The following ZNF730 variants were observed in gnomAD, a reference collection of about 807,000 sequenced individuals.
ZNF730 encodes zinc finger protein 730, also known as putative zinc finger protein 730.
ZNF730 carries 12 observed loss-of-function variants against 12.6 expected under a neutral mutation model. The ratio of observed to expected loss-of-function variants is 0.95; its 90% CI spans 0.61 to 1.54. ZNF730 has a LOEUF of 1.54. Ranked by LOEUF, ZNF730 falls within the 40% of genes most tolerant of loss-of-function variation. The pLI, the probability that ZNF730 is intolerant of heterozygous loss-of-function variation, is 0.00. For missense variants in ZNF730, 643 were observed against 583.5 expected, an observed-to-expected ratio of 1.10 and a Z score of -1.05; for synonymous variants, 194 against 195.8, an observed-to-expected ratio of 0.99 and a Z score of 0.08.
Position 23,145,296 on chromosome 19 carries a change from C to G in ZNF730, c.252C>G (p.Asp84Glu). The change falls in exon 4 of 4, where the codon GAC (aspartate) becomes GAG (glutamate). Residue 84 changes from aspartate (D) to glutamate (E), a missense_variant. Physicochemically the swap from Asp to Glu is conservative, Grantham distance 45. Transcript: ENST00000597761. Reference sequence around the variant, plus strand: ...TTATATGTTCTCATATTGCCCAAGACCTTTGGCCAGAGCAAGGCATAAAAG... The same window carrying G: ...TTATATGTTCTCATATTGCCCAAGAGCTTTGGCCAGAGCAAGGCATAAAAG... Reference protein sequence around the residue: ...PPVICSHIAQDLWPEQGIKDY... With the variant: ...PPVICSHIAQELWPEQGIKDY... 1 of 1,562,408 alleles carries G rather than the reference C, an allele frequency of 6.4e-7. No homozygotes were observed. Among genetic ancestry groups the G allele is most frequent in the South Asian group, 1.2e-5 (1 of 82,362 alleles).
chr19:23,103,106 TTG>T lies in ZNF730; in HGVS notation c.-94+27722_-94+27723del, dbSNP rs988958529. ...ACATGGAAAAAATCCACAGTTGAAATTGTGACTGTCATATATGAACATCCGGC... is the reference window on the plus strand; with the variant it reads ...ACATGGAAAAAATCCACAGTTGAAATTGACTGTCATATATGAACATCCGGC... On this transcript the variant is annotated intron_variant, in intron 1 of 2. Coordinates refer to the ZNF730 transcript ENST00000593635. 6.4e-4 allele frequency among the ~76,000 whole-genome samples: 97 copies of T among 152,302 alleles called. 1 individual carries two copies. Among genetic ancestry groups the T allele is most frequent in the African/African-American group, 2.3e-3 (96 of 41,566 alleles).
intron 1 of ZNF730, among the ~76,000 whole-genome samples, chr19:23,095,984 G>A (rs747866065): frequency 2.0e-5 from 3 of 152,056 alleles, no homozygotes; most frequent in Non-Finnish European, 4.4e-5. Context: ...GTCCACAGTG[G>A]AGAGTATGAC....
chr19:23,144,071 G>A (rs1440936829), intron 3 of ZNF730: 2 of 150,968 alleles, frequency 1.3e-5, no homozygotes, highest in Non-Finnish European at 1.5e-5. Flanking sequence ...CTGATTTTCT[G>A]TAGTCTGTGT....
At chr19:23,098,982 A>G (rs775710605) in intron 1 of ZNF730, among the ~76,000 whole-genome samples, 2 of 152,214 alleles carry the variant, frequency 1.3e-5, no homozygotes, top group African/African-American at 4.8e-5. Context: ...CGCATATTGT[A>G]TAAAGCCCTC....
chr19:23,129,572 T>TCCA (rs778009044), intron 1 of ZNF730, among the ~76,000 whole-genome samples: 1 of 138,486 alleles, frequency 7.2e-6, no homozygotes, highest in Non-Finnish European at 1.5e-5. Flanking sequence ...AATGCTTGTA[T>TCCA]CCCCCCCCCC....
At chr19:23,105,857 C>A (rs772992904) in intron 1 of ZNF730, among the ~76,000 whole-genome samples, 5 of 152,016 alleles carry the variant, frequency 3.3e-5, no homozygotes, top group Non-Finnish European at 5.9e-5. Flanking sequence ...TAGTTGTCAA[C>A]AACAACAAAA....
chr19:23,128,042 T>G (rs1970692438), intron 1 of ZNF730: 1 of 758,102 alleles, frequency 1.3e-6, no homozygotes, highest in Admixed American at 1.7e-5. Flanking sequence ...CAAGTGGAGG[T>G]GACTGGCAAT....
chr19:23,129,942 C>T (rs1970725696), intron 1 of ZNF730, among the ~76,000 whole-genome samples: 1 of 144,902 alleles, frequency 6.9e-6, no homozygotes, highest in South Asian at 2.2e-4. Context: ...TGCAGTGAGC[C>T]AAGATCGTGC....
At chr19:23,095,017 A>T (rs1027212142) in intron 1 of ZNF730, 1 of 191,646 alleles carries the variant, frequency 5.2e-6, no homozygotes, top group African/African-American at 2.3e-5. Flanking sequence ...TCCAGTTCAG[A>T]TGCATAATCT....
intron 1 of ZNF730, among the ~76,000 whole-genome samples, chr19:23,091,818 C>T (rs1970164168): frequency 6.6e-6 from 1 of 152,252 alleles, no homozygotes; most frequent in Non-Finnish European, 1.5e-5. Flanking sequence ...CTTGCCTTGT[C>T]TCAGATGAGA....
intron 1 of ZNF730, among the ~76,000 whole-genome samples, chr19:23,122,159 T>TA (rs1970607440): frequency 1.2e-5 from 1 of 86,002 alleles, no homozygotes; most frequent in African/African-American, 4.1e-5. Flanking sequence ...TTTTTTTTTT[T>TA]AGACAGAGTT....
rs532449299 is a variant in ZNF730, at chr19:23,079,873, CTA to C, written c.-94+4488_-94+4489del. Among the ~76,000 whole-genome samples, 725 of 152,008 alleles carry C rather than the reference CTA, an allele frequency of 4.8e-3. 8 individuals are homozygous for C. Among genetic ancestry groups the C allele is most frequent in the Admixed American group, 0.023 (345 of 15,276 alleles). On this transcript the variant is annotated intron_variant, in intron 1 of 2. Coordinates refer to the ZNF730 transcript ENST00000593635. The stretch of plus-strand genomic sequence containing the variant: ...GATTATACAGTGTCTCTTTTTTTGA[CTA>C]TTTTATTTTACTTGACATAGTATCG...
chr19:23,116,904 T>A, upstream of ZNF730: 1 of 641,670 alleles, frequency 1.6e-6, no homozygotes, highest in South Asian at 2.0e-5. Flanking sequence ...TGATCACATC[T>A]GTCACTCAGG....
chr19:23,096,834 C>G (rs1222364556), intron 1 of ZNF730, among the ~76,000 whole-genome samples: 5 of 152,228 alleles, frequency 3.3e-5, no homozygotes, highest in African/African-American at 1.2e-4. Flanking sequence ...TTATTCTGTT[C>G]TGCCTAAGCC....
At chr19:23,094,088 C>T (rs1033100419) in intron 1 of ZNF730, among the ~76,000 whole-genome samples, 2 of 152,144 alleles carry the variant, frequency 1.3e-5, no homozygotes, top group East Asian at 3.9e-4. Context: ...CTTACCGAGG[C>T]GATCCTCCCA....
chr19:23,131,872 C>A (rs987398401), intron 1 of ZNF730, among the ~76,000 whole-genome samples: 2 of 152,028 alleles, frequency 1.3e-5, no homozygotes, highest in Admixed American at 6.6e-5. Context: ...TAATTAGAAT[C>A]ATGTGACTCT....
chr19:23,121,575 C>T (rs913487151), intron 1 of ZNF730, among the ~76,000 whole-genome samples: 2 of 152,114 alleles, frequency 1.3e-5, no homozygotes, highest in Admixed American at 1.3e-4. Flanking sequence ...CTCCTGACCT[C>T]GTGATCCACC....
intron 1 of ZNF730, among the ~76,000 whole-genome samples, chr19:23,132,276 T>C (rs1970753197): frequency 6.6e-6 from 1 of 152,224 alleles, no homozygotes; most frequent in Admixed American, 6.5e-5. Context: ...AAATCTCATC[T>C]GAGAAGAAAT....
chr19:23,085,803 C>T (rs764550120), intron 1 of ZNF730, among the ~76,000 whole-genome samples: 6 of 145,232 alleles, frequency 4.1e-5, no homozygotes, highest in Non-Finnish European at 7.5e-5. Context: ...TGTGAGCCAC[C>T]GCACCCAGAC....
Sources: allele counts gnomAD v4.1 joint callset (sites outside exome capture counted in the v4.1 genomes callset), GRCh38; gene constraint gnomAD v4.1.1; transcripts MANE v1.5; gene names NCBI Gene and HGNC (gene_info 2026-07-23, HGNC 2026-07-21).